TMEM67: variants seen among roughly 807,000 people sequenced by gnomAD.
TMEM67 encodes the protein meckelin.
In TMEM67, 124 loss-of-function variants were observed where a neutral mutation model predicts 136.6. That is an observed-to-expected ratio of 0.91 (90% CI 0.78 to 1.05). The LOEUF is 1.05. Ranked by LOEUF, TMEM67 falls within the 50% of genes least tolerant of loss-of-function variation. The probability of loss-of-function intolerance (pLI) is 0.00; values close to 1 mark genes in which losing one functional copy is unlikely to be tolerated. For missense variants in TMEM67, 1,107 were observed against 1,178.4 expected (o/e 0.94, Z 0.89); for synonymous variants, 364 against 390.5 (o/e 0.93, Z 0.80).
chr8:93,825,330 G>C, the TMEM67 span, among the ~76,000 whole-genome samples: 1 of 152,190 alleles, frequency 6.6e-6, no homozygotes, highest in Non-Finnish European at 1.5e-5. Flanking sequence ...CTGACCACAG[G>C]CTCAATATGG....
At chr8:93,792,523 T>G (rs1394208327) in intron 15 of TMEM67, among the ~76,000 whole-genome samples, 2 of 152,158 alleles carry the variant, frequency 1.3e-5, no homozygotes, top group Non-Finnish European at 2.9e-5. Context: ...TGCAGAAAGT[T>G]TCACTGTGAT....
intron 11 of TMEM67, among the ~76,000 whole-genome samples, chr8:93,784,375 C>A (rs1466963893): frequency 1.3e-5 from 2 of 152,116 alleles, no homozygotes; most frequent in Admixed American, 6.5e-5. Context: ...GAAATTATGC[C>A]GTGTAATTAG....
At chr8:93,809,633 A>G (rs1418241817) in intron 25 of TMEM67, 152 bp from the exon 26 acceptor site, 1 of 593,416 alleles carries the variant, frequency 1.7e-6, no homozygotes, top group East Asian at 2.9e-5. Flanking sequence ...ATTTTGTTAT[A>G]GGTTTCAATG....
intron 14 of TMEM67, among the ~76,000 whole-genome samples, chr8:93,789,806 C>T (rs1159346945): frequency 6.6e-6 from 1 of 151,874 alleles, no homozygotes; most frequent in Non-Finnish European, 1.5e-5. Flanking sequence ...CGTAGTGGCT[C>T]ATGCCTGCAA....
At chr8:93,757,090 TATAAATAAATAAATAAATAA>T (rs57425175) in intron 2 of TMEM67, 21 of 146,536 alleles carry the variant, frequency 1.4e-4, no homozygotes, top group South Asian at 6.4e-4. Context: ...ATAAATAAAA[TATAAATAAATAAATAAATAA>T]ATAAATAAAT....
At chr8:93,782,735 A>T (rs1813904803) in intron 11 of TMEM67, among the ~76,000 whole-genome samples, 1 of 151,468 alleles carries the variant, frequency 6.6e-6, no homozygotes, top group Non-Finnish European at 1.5e-5. Flanking sequence ...CACCACGCCC[A>T]GCTAATTTTT....
At chr8:93,819,286 CTTCCTCAGCCACCCCCAGCTCTGCCAGGA>C, downstream of TMEM67, 1 of 413,816 alleles carries the variant, frequency 2.4e-6, no homozygotes, top group Non-Finnish European at 4.7e-6. Context: ...AGCCTGCCTT[CTTCCTCAGCCACCCCCAGCTCTGCCAGGA>C]AGAGGCCCAG....
intron 7 of TMEM67, among the ~76,000 whole-genome samples, chr8:93,773,512 AG>A (rs1813411144): frequency 6.6e-6 from 1 of 152,210 alleles, no homozygotes; most frequent in Admixed American, 6.5e-5. Context: ...CCATTGCACA[AG>A]GGTGGTCCTG....
At chr8:93,815,668 G>A (rs1808878675) in intron 27 of TMEM67, among the ~76,000 whole-genome samples, 1 of 152,188 alleles carries the variant, frequency 6.6e-6, no homozygotes, top group African/African-American at 2.4e-5. Flanking sequence ...GAGGGCATAA[G>A]TTGCTTGATT....
intron 27 of TMEM67, 137 bp downstream of exon 27, chr8:93,815,584 C>A: frequency 1.3e-6 from 1 of 780,180 alleles, no homozygotes; most frequent in Non-Finnish European, 2.0e-6. Context: ...TGACTAACCC[C>A]ACCAAAAGAA....
At chr8:93,765,114 T>G (rs534704351) in intron 4 of TMEM67, among the ~76,000 whole-genome samples, 2 of 152,330 alleles carry the variant, frequency 1.3e-5, no homozygotes, top group African/African-American at 4.8e-5. Flanking sequence ...TGTTGCTCTC[T>G]TGTTAGTTGA....
At chr8:93,766,395 T>A (rs1813084556) in intron 6 of TMEM67, among the ~76,000 whole-genome samples, 1 of 152,078 alleles carries the variant, frequency 6.6e-6, no homozygotes, top group Non-Finnish European at 1.5e-5. Flanking sequence ...TGGGATTACA[T>A]GCATGAGCCA....
At chr8:93,769,522 T>A (rs1414098780) in intron 6 of TMEM67, 1 of 167,166 alleles carries the variant, frequency 6.0e-6, no homozygotes, top group African/African-American at 2.4e-5. Flanking sequence ...TTCTGAACAC[T>A]GATTCTTTCC....
intron 6 of TMEM67, among the ~76,000 whole-genome samples, chr8:93,770,434 A>C (rs1490787918): frequency 6.6e-6 from 1 of 152,164 alleles, no homozygotes; most frequent in African/African-American, 2.4e-5. Context: ...GTTGTTCAAA[A>C]ATGTTCTTTA....
rs765468645 is a variant in TMEM67 at position 93,765,413 on chromosome 8, C to T, written c.514C>T (p.Arg172Ter). ...TTTTGTTATATTGAACAGGTGCGTC[C>T]GATGTGAGCCAACATTTGTTAATAC... ...VVNALGDRCV[R>*]CEPTFVNTSR... The change falls in exon 5 of 28, where the codon CGA (arginine) becomes TGA (stop). Residue 172 changes from arginine to a stop codon, truncating the protein, a stop_gained. Transcript: ENST00000453321. LOFTEE classifies it high-confidence loss of function. 23 of 1,610,892 alleles carry T rather than the reference C, an allele frequency of 1.4e-5. No individual in the cohort carries two copies. The highest frequency in any genetic ancestry group is 1.7e-5 in the Non-Finnish European group (20 of 1,179,272).
intron 3 of TMEM67, chr8:93,763,206 A>C: frequency 5.1e-6 from 1 of 195,238 alleles, no homozygotes; most frequent in South Asian, 7.9e-5. Context: ...CTGGGATTAC[A>C]GGCATAAGCC....
Position 93,782,477 on chromosome 8 carries a change from T to G in TMEM67, c.1131+17T>G. On this transcript the variant is annotated intron_variant, in intron 11 of 27. Coordinates refer to ENST00000453321, the MANE Select transcript of TMEM67 (RefSeq NM_153704.6). ...CAACAAAATGTAAGTTTGAACGATA[T>G]TAGTCTATATTTTAGCTTTATTTTT... The G allele has an allele frequency of 6.3e-7, 1 of 1,589,272 alleles. No individual in the cohort carries two copies.
At chr8:93,754,854 G>C (rs751078284), upstream of TMEM67, 7 of 1,532,276 alleles carry the variant, frequency 4.6e-6, no homozygotes, top group Non-Finnish European at 6.3e-6. Context: ...AATCAGCTCA[G>C]CGAAGCCGCC....
downstream of TMEM67, among the ~76,000 whole-genome samples, chr8:93,818,452 C>T (rs562928618): frequency 1.2e-4 from 19 of 152,294 alleles, no homozygotes; most frequent in East Asian, 3.9e-4. Flanking sequence ...GTCCTAACTG[C>T]CTTTTCAGAA....
Sources: allele counts gnomAD v4.1 joint callset (sites outside exome capture counted in the v4.1 genomes callset), GRCh38; gene constraint gnomAD v4.1.1; transcripts MANE v1.5; gene names NCBI Gene and HGNC (gene_info 2026-07-23, HGNC 2026-07-21).